Variants in UVRAG observed in about 807,000 individuals in gnomAD.
The protein encoded by UVRAG is UV radiation resistance associated, also known as UV radiation resistance-associated gene protein.
A neutral mutation model predicts 78.0 loss-of-function variants in UVRAG; 19 were observed. That is an observed-to-expected ratio of 0.24 (90% CI 0.17 to 0.36). The LOEUF (loss-of-function observed/expected upper bound fraction) is 0.36. Among genes scored for constraint, UVRAG ranks in the 10% least tolerant of loss-of-function variants. UVRAG has a pLI of 1.00. For missense variants in UVRAG, 740 were observed against 853.8 expected (o/e 0.87, Z 1.66); for synonymous variants, 323 against 324.6 (o/e 1.00, Z 0.05).
chr11:75,843,239 C>T (rs569804882), intron 1 of UVRAG, among the ~76,000 whole-genome samples: 4 of 152,080 alleles, frequency 2.6e-5, no homozygotes, highest in South Asian at 2.1e-4. Flanking sequence ...ACTTGCTTTC[C>T]GCTGTATTAA....
intron 7 of UVRAG, among the ~76,000 whole-genome samples, chr11:75,962,322 C>G (rs2135206875): frequency 6.6e-6 from 1 of 152,208 alleles, no homozygotes; most frequent in South Asian, 2.1e-4. Flanking sequence ...TTACACCCTT[C>G]TCAACTTAGC....
At chr11:76,107,236 G>A (rs1484055845) in intron 13 of UVRAG, among the ~76,000 whole-genome samples, 1 of 152,146 alleles carries the variant, frequency 6.6e-6, no homozygotes, top group Non-Finnish European at 1.5e-5. Context: ...TATAATCTGT[G>A]CCTTGTGAAT....
chr11:76,040,236 G>A (rs995708485), intron 12 of UVRAG, among the ~76,000 whole-genome samples: 2 of 152,034 alleles, frequency 1.3e-5, no homozygotes, highest in East Asian at 1.9e-4. Context: ...TAGAAGAAGC[G>A]GCCGGGCATG....
chr11:75,974,656 G>A lies in UVRAG; in HGVS notation c.700-8731G>A, dbSNP rs1472461073. Among the ~76,000 whole-genome samples the A allele has an allele frequency of 6.6e-5, 10 of 152,096 alleles. No individual in the cohort carries two copies. In the South Asian group the frequency reaches 1.0e-3, roughly 16 times the overall value. On this transcript the variant is annotated intron_variant, in intron 7 of 14. Transcript: ENST00000356136. ...GCTGGGATTACAGGCGTGAGCCACCGCGCCCGGCCAAATGTCTTCTTTTGA... is the reference window on the plus strand; with the variant it reads ...GCTGGGATTACAGGCGTGAGCCACCACGCCCGGCCAAATGTCTTCTTTTGA...
At position 76,045,287 on chromosome 11, in the gene UVRAG, C is replaced by T. The variant is rs1459738976; in HGVS notation, c.1227-20423C>T. ...CATACAGCTTCTTAGAGTTGTACAT[C>T]TCCATATGAAATTTCCAGTTCTCTG... On this transcript the variant is annotated intron_variant, in intron 12 of 14. Coordinates refer to ENST00000356136, the MANE Select transcript of UVRAG (RefSeq NM_003369.4). Among the ~76,000 whole-genome samples, 7 of 152,226 alleles carry T rather than the reference C, an allele frequency of 4.6e-5. No individual in the cohort carries two copies. The South Asian group carries it at 1.2e-3, about 27-fold the overall frequency.
At chr11:75,836,527 C>G (rs79241003) in intron 1 of UVRAG, among the ~76,000 whole-genome samples, 73 of 152,182 alleles carry the variant, frequency 4.8e-4, no homozygotes, top group African/African-American at 1.7e-3. Flanking sequence ...ATGTTCTCAC[C>G]CCCATTTCTT....
chr11:76,050,661 G>A (rs1950847091), intron 12 of UVRAG, among the ~76,000 whole-genome samples: 1 of 152,118 alleles, frequency 6.6e-6, no homozygotes, highest in Non-Finnish European at 1.5e-5. Context: ...GGGAAATCAA[G>A]CATACCGTTA....
intron 1 of UVRAG, among the ~76,000 whole-genome samples, chr11:75,847,401 A>G (rs996390581): frequency 1.7e-4 from 26 of 152,114 alleles, no homozygotes; most frequent in African/African-American, 6.0e-4. Flanking sequence ...TGCTAGTATT[A>G]CAGGTATGAG....
Position 76,143,569 on chromosome 11 carries a change from ACAGCCCCGTG to A in UVRAG, c.*2157_*2166del, listed in dbSNP as rs1438955532. Among the ~76,000 whole-genome samples, 1 of 152,214 alleles carries A rather than the reference ACAGCCCCGTG, an allele frequency of 6.6e-6. No individual in the cohort carries two copies. Among genetic ancestry groups the A allele is most frequent in the Non-Finnish European group, 1.5e-5 (1 of 68,028 alleles). On this transcript the variant is annotated 3_prime_UTR_variant, in exon 15 of 15. Coordinates refer to ENST00000356136, the MANE Select transcript of UVRAG (RefSeq NM_003369.4). ...TGCCTACACATTTGCCTCGACCCAC[ACAGCCCCGTG>A]GTGATGCCTCAAAACACCACTTAGG...
intron 6 of UVRAG, among the ~76,000 whole-genome samples, chr11:75,919,867 C>T (rs1040847089): frequency 2.8e-4 from 43 of 152,030 alleles, no homozygotes; most frequent in African/African-American, 9.2e-4. Flanking sequence ...CTCCAGTGCA[C>T]GTGCTGTTTT....
intron 6 of UVRAG, among the ~76,000 whole-genome samples, chr11:75,949,780 T>TACAC (rs1313717131): frequency 6.7e-6 from 1 of 148,990 alleles, no homozygotes; most frequent in African/African-American, 2.5e-5. Flanking sequence ...TACACATATA[T>TACAC]ATACACACAC....
intron 1 of UVRAG, among the ~76,000 whole-genome samples, chr11:75,829,007 C>T (rs1158977330): frequency 2.0e-5 from 3 of 151,774 alleles, no homozygotes; most frequent in Non-Finnish European, 4.4e-5. Flanking sequence ...AGGTGTGAGC[C>T]ACTATGCCCA....
intron 6 of UVRAG, among the ~76,000 whole-genome samples, chr11:75,947,066 C>A (rs1025953837): frequency 6.6e-6 from 1 of 152,198 alleles, no homozygotes; most frequent in African/African-American, 2.4e-5. Context: ...AGATCTTTTT[C>A]TCTTCCTGTT....
intron 4 of UVRAG, among the ~76,000 whole-genome samples, chr11:75,880,262 C>T (rs188018765): frequency 1.3e-5 from 2 of 152,242 alleles, no homozygotes; most frequent in East Asian, 3.9e-4. Flanking sequence ...TTAACAAACA[C>T]CTTTGTCTGA....
At chr11:75,991,827 G>A (rs1026261652) in intron 8 of UVRAG, among the ~76,000 whole-genome samples, 6 of 152,054 alleles carry the variant, frequency 3.9e-5, no homozygotes, top group African/African-American at 7.2e-5. Context: ...ATAAGCAAAT[G>A]AACATCTAAA....
intron 14 of UVRAG, among the ~76,000 whole-genome samples, chr11:76,116,368 G>T (rs1429659009): frequency 6.6e-6 from 1 of 152,154 alleles, no homozygotes; most frequent in African/African-American, 2.4e-5. Flanking sequence ...ACAGGTGAAG[G>T]GCCTGATTAT....
chr11:75,965,269 ATGT>A (rs1459196169), intron 7 of UVRAG, among the ~76,000 whole-genome samples: 1 of 152,094 alleles, frequency 6.6e-6, no homozygotes, highest in Non-Finnish European at 1.5e-5. Flanking sequence ...TCTCTTTATA[ATGT>A]TGTAGCTTTC....
At chr11:75,829,460 T>C (rs17134375) in intron 1 of UVRAG, among the ~76,000 whole-genome samples, 4,004 of 152,288 alleles carry the variant, frequency 0.026, 167 homozygotes, top group African/African-American at 0.087. Flanking sequence ...TATGACCCAT[T>C]TTGTTTGGCT....
chr11:75,906,580 T>G (rs1591001590), intron 5 of UVRAG, among the ~76,000 whole-genome samples: 1 of 152,156 alleles, frequency 6.6e-6, no homozygotes, highest in East Asian at 1.9e-4. Flanking sequence ...ACTCCTGACC[T>G]CAAGTGATCT....
Sources: allele counts gnomAD v4.1 joint callset (sites outside exome capture counted in the v4.1 genomes callset), GRCh38; gene constraint gnomAD v4.1.1; transcripts MANE v1.5; gene names NCBI Gene and HGNC (gene_info 2026-07-23, HGNC 2026-07-21).